Variants in BTAF1 observed in about 807,000 individuals in gnomAD.
The protein encoded by BTAF1 is B-TFIID TATA-box binding protein associated factor 1.
In BTAF1, 38 loss-of-function variants were observed where a neutral mutation model predicts 227.1. The ratio of observed to expected loss-of-function variants is 0.17; its 90% confidence interval spans 0.13 to 0.22. BTAF1 has a LOEUF of 0.22. BTAF1 is among the 10% of genes least tolerant of loss of function. The pLI is 1.00. For missense variants in BTAF1, 1,598 were observed against 2,204.0 expected (o/e 0.73, Z 5.51); for synonymous variants, 742 against 751.9 (o/e 0.99, Z 0.21).
intron 20 of BTAF1, among the ~76,000 whole-genome samples, chr10:91,991,265 A>ATATATATATATAT (rs1848715390): frequency 1.1e-5 from 1 of 90,088 alleles, no homozygotes; most frequent in Non-Finnish European, 2.4e-5. Context: ...TATAAATATA[A>ATATATATATATAT]ATATAAATAT....
chr10:92,012,059 CTCTT>C (rs1489813335), intron 30 of BTAF1, among the ~76,000 whole-genome samples: 1 of 144,216 alleles, frequency 6.9e-6, no homozygotes, highest in African/African-American at 2.6e-5. Context: ...TACTTACCTA[CTCTT>C]TCTCTCTCTC....
At chr10:91,952,724 AG>A (rs1845853572) in intron 5 of BTAF1, among the ~76,000 whole-genome samples, 1 of 152,178 alleles carries the variant, frequency 6.6e-6, no homozygotes, top group Non-Finnish European at 1.5e-5. Context: ...GGCAGATACT[AG>A]GAGAGAAAAA....
intron 14 of BTAF1, among the ~76,000 whole-genome samples, chr10:91,969,912 C>T (rs994321455): frequency 2.6e-5 from 4 of 151,334 alleles, no homozygotes; most frequent in Admixed American, 6.6e-5. Context: ...TGCAGTGAGC[C>T]GAGATTGCAC....
Position 92,026,583 on chromosome 10 carries a change from T to C in BTAF1, c.5076-9T>C. ...ATGGACTAATTTTATTTTTGTTATC[T>C]ACTTTTAGGTTTAATAATGATCCAT... On this transcript the variant is annotated splice_polypyrimidine_tract_variant and intron_variant, in intron 35 of 37. Transcript: ENST00000265990. 1.3e-6 allele frequency: 2 copies of C among 1,591,486 alleles called. No homozygotes were observed. Among genetic ancestry groups the C allele is most frequent in the Non-Finnish European group, 1.7e-6 (2 of 1,166,398 alleles).
chr10:91,927,910 C>T (rs546062502), intron 1 of BTAF1, among the ~76,000 whole-genome samples: 1 of 151,372 alleles, frequency 6.6e-6, no homozygotes, highest in South Asian at 2.1e-4. Context: ...ATGATTTTAC[C>T]GTAATTTGTG....
At chr10:91,939,633 TCAC>T (rs996291701) in intron 2 of BTAF1, among the ~76,000 whole-genome samples, 2 of 152,124 alleles carry the variant, frequency 1.3e-5, no homozygotes, top group African/African-American at 2.4e-5. Flanking sequence ...AGATGGAGTT[TCAC>T]CATGTTGGCC....
At chr10:91,977,935 CA>C (rs1456948358) in intron 14 of BTAF1, among the ~76,000 whole-genome samples, 1 of 152,188 alleles carries the variant, frequency 6.6e-6, no homozygotes, top group African/African-American at 2.4e-5. Context: ...CCCCCATCCT[CA>C]ACACTGCCTC....
intron 1 of BTAF1, among the ~76,000 whole-genome samples, chr10:91,932,523 A>G (rs963971177): frequency 8.5e-5 from 13 of 152,246 alleles, no homozygotes; most frequent in African/African-American, 3.1e-4. Context: ...TGTCAACTAC[A>G]TAACAAATAT....
intron 17 of BTAF1, 73 bp downstream of exon 17, chr10:91,982,298 A>G: frequency 6.3e-7 from 1 of 1,597,416 alleles, no homozygotes; most frequent in African/African-American, 1.3e-5. Context: ...AACCAACAGA[A>G]GATTCCTCTG....
At chr10:91,928,948 C>T (rs773402985) in intron 1 of BTAF1, among the ~76,000 whole-genome samples, 15 of 152,104 alleles carry the variant, frequency 9.9e-5, no homozygotes, top group Non-Finnish European at 1.8e-4. Flanking sequence ...GTTGCTAGGA[C>T]CACAGATGCA....
At chr10:91,984,111 T>A (rs1848244221) in intron 18 of BTAF1, 90 bp from the exon 19 acceptor site, 1 of 1,125,398 alleles carries the variant, frequency 8.9e-7, no homozygotes, top group African/African-American at 1.6e-5. Context: ...AAGTAAGAAT[T>A]TAGAACTTGG....
At chr10:92,001,968 CCATATAT>C (rs1358024370) in intron 25 of BTAF1, among the ~76,000 whole-genome samples, 1 of 37,248 alleles carries the variant, frequency 2.7e-5, no homozygotes, top group Non-Finnish European at 6.9e-5. Flanking sequence ...AAAAAAAAAA[CCATATAT>C]ATATATATAT....
chr10:91,984,050 T>C (rs1848236987), intron 18 of BTAF1, 151 bp from the exon 19 acceptor site: 3 of 675,308 alleles, frequency 4.4e-6, no homozygotes, highest in Non-Finnish European at 7.3e-6. Flanking sequence ...TACCTTTTTT[T>C]CTGTGCAATT....
In BTAF1 at chr10:91,997,668, G is replaced by A; in HGVS notation, c.3577G>A (p.Gly1193Arg). The A allele has an allele frequency of 6.2e-7, 1 of 1,614,002 alleles. No homozygotes were observed. The highest frequency in any genetic ancestry group is 1.1e-5 in the South Asian group (1 of 91,082). ...TGTCCTTTTAGTTGTTCCTGTATTA[G>A]GAAGAATGAGTGATCAGACAGACAG... Reference protein sequence around the residue: ...YIVLLVVPVLGRMSDQTDSVR... With the variant: ...YIVLLVVPVLRRMSDQTDSVR... The change falls in exon 25 of 38, where the codon GGA (glycine) becomes AGA (arginine). Residue 1193 changes from glycine to arginine, a missense_variant. Coordinates refer to ENST00000265990, the MANE Select transcript of BTAF1 (RefSeq NM_003972.3).
At position 91,951,531 on chromosome 10, in the gene BTAF1, A is replaced by G. The variant is rs774032593; in HGVS notation, c.529A>G (p.Thr177Ala). 3.7e-6 allele frequency: 6 copies of G among 1,606,658 alleles called. No homozygotes were observed. The East Asian group carries it at 8.9e-5, about 24-fold the overall frequency. Residue 177 changes from threonine (T) to alanine (A), a missense_variant, in exon 5 of 38, where the codon ACC becomes GCC. Physicochemically the swap from Thr to Ala is moderately conservative, Grantham distance 58 (BLOSUM62 0). This residue lies in a region of BTAF1 where 298 missense variants were observed against 395.2 expected (regional missense o/e 0.75). Coordinates refer to ENST00000265990, the MANE Select transcript of BTAF1 (RefSeq NM_003972.3). ...TTTCAATGATGAGGATTTGGATTATACCCCAACTTCAGCATCCTTTGTTAA... is the reference window on the plus strand; with the variant it reads ...TTTCAATGATGAGGATTTGGATTATGCCCCAACTTCAGCATCCTTTGTTAA... ...ELFNDEDLDY[T>A]PTSASFVNKQ...
At chr10:91,981,233 A>G (rs1848041276) in intron 15 of BTAF1, among the ~76,000 whole-genome samples, 1 of 152,162 alleles carries the variant, frequency 6.6e-6, no homozygotes, top group African/African-American at 2.4e-5. Context: ...TTAAATTTAT[A>G]CTAGGTTATT....
intron 14 of BTAF1, among the ~76,000 whole-genome samples, chr10:91,976,915 G>A (rs1199172528): frequency 6.6e-6 from 1 of 152,104 alleles, no homozygotes; most frequent in African/African-American, 2.4e-5. Context: ...AACTTAATGA[G>A]GTAACTCTGA....
chr10:92,011,189 A>G, intron 29 of BTAF1, 39 bp downstream of exon 29: 1 of 1,526,354 alleles, frequency 6.6e-7, no homozygotes, highest in Non-Finnish European at 8.9e-7. Flanking sequence ...TTAATATCAA[A>G]TTTGAAGACT....
In BTAF1 at chr10:91,981,627, C is replaced by G. The variant is rs1414729521; in HGVS notation, c.1756-16C>G. The G allele has an allele frequency of 1.9e-6, 3 of 1,565,620 alleles. No individual in the cohort carries two copies. Among genetic ancestry groups the G allele is most frequent in the Non-Finnish European group, 2.6e-6 (3 of 1,160,258 alleles). ...TTAGAAAAAATTCACTTTCATGTCC[C>G]CCTTTTACCCTGCAGGTTTGGATGG... On this transcript the variant is annotated splice_polypyrimidine_tract_variant and intron_variant, in intron 15 of 37. Transcript: ENST00000265990.
Sources: allele counts gnomAD v4.1 joint callset (sites outside exome capture counted in the v4.1 genomes callset), GRCh38; gene constraint gnomAD v4.1.1; regional missense constraint gnomAD v4.1.1; transcripts MANE v1.5; gene names NCBI Gene and HGNC (gene_info 2026-07-23, HGNC 2026-07-21).